SNTB2: variants seen among roughly 807,000 people sequenced by gnomAD.
SNTB2 encodes syntrophin beta 2.
A neutral mutation model predicts 46.2 loss-of-function variants in SNTB2; 34 were observed. That is an observed-to-expected ratio of 0.74 (90% CI 0.56 to 0.98). The LOEUF is 0.98. Among genes scored for constraint, SNTB2 ranks in the 50% least tolerant of loss-of-function variants. The pLI is 0.00. For missense variants in SNTB2, 603 were observed against 731.4 expected (o/e 0.82, Z 2.02); for synonymous variants, 290 against 312.6 (o/e 0.93, Z 0.76).
At chr16:69,221,458 A>C (rs1430092318) in intron 1 of SNTB2, among the ~76,000 whole-genome samples, 1 of 152,184 alleles carries the variant, frequency 6.6e-6, no homozygotes, top group South Asian at 2.1e-4. Context: ...TCTACCAAAA[A>C]TCTTGAAACT....
chr16:69,214,510 A>C (rs1475922422), intron 1 of SNTB2, among the ~76,000 whole-genome samples: 1 of 151,210 alleles, frequency 6.6e-6, no homozygotes, highest in Non-Finnish European at 1.5e-5. Flanking sequence ...TAATAAACAT[A>C]TATTTTATAT....
At chr16:69,296,577 C>T (rs936791889) in intron 5 of SNTB2, among the ~76,000 whole-genome samples, 2 of 150,738 alleles carry the variant, frequency 1.3e-5, no homozygotes, top group Non-Finnish European at 3.0e-5. Flanking sequence ...AAAAAATCAG[C>T]CAGGCCTGGT....
chr16:69,284,475 A>T (rs1965081634), intron 5 of SNTB2, among the ~76,000 whole-genome samples: 1 of 148,460 alleles, frequency 6.7e-6, no homozygotes, highest in South Asian at 2.1e-4. Flanking sequence ...AAAAAAAAAA[A>T]AAAAAAAAAA....
intron 4 of SNTB2, among the ~76,000 whole-genome samples, chr16:69,274,956 CTGAT>C (rs1297785599): frequency 2.0e-5 from 3 of 152,084 alleles, no homozygotes; most frequent in East Asian, 1.9e-4. Flanking sequence ...GCTTCCTAGA[CTGAT>C]TGTCTGCCTT....
chr16:69,201,074 C>T (rs1249300617), intron 1 of SNTB2, among the ~76,000 whole-genome samples: 1 of 152,188 alleles, frequency 6.6e-6, no homozygotes, highest in Non-Finnish European at 1.5e-5. Flanking sequence ...ACTTTCAGGG[C>T]CTCCAGGGGC....
chr16:69,269,585 T>A (rs893923158), intron 3 of SNTB2, among the ~76,000 whole-genome samples: 1 of 152,222 alleles, frequency 6.6e-6, no homozygotes, highest in African/African-American at 2.4e-5. Context: ...TTGGAAAATA[T>A]TTTATTCAAC....
At chr16:69,268,423 C>T (rs1350112192) in intron 3 of SNTB2, among the ~76,000 whole-genome samples, 3 of 151,674 alleles carry the variant, frequency 2.0e-5, no homozygotes, top group Non-Finnish European at 4.4e-5. Context: ...AAGATCGTGA[C>T]ATTGCACTCC....
intron 2 of SNTB2, 105 bp downstream of exon 2, chr16:69,245,920 C>G: frequency 8.5e-7 from 1 of 1,170,624 alleles, no homozygotes; most frequent in Non-Finnish European, 1.2e-6. Flanking sequence ...AGGAAAACAT[C>G]TGTCTGAGGT....
At chr16:69,203,750 CTTGT>C (rs1024128363) in intron 1 of SNTB2, among the ~76,000 whole-genome samples, 19 of 152,126 alleles carry the variant, frequency 1.2e-4, no homozygotes, top group African/African-American at 3.4e-4. Context: ...GAATCCATTG[CTTGT>C]TTATTAATAA....
intron 4 of SNTB2, among the ~76,000 whole-genome samples, chr16:69,280,440 G>C (rs1597198313): frequency 6.6e-6 from 1 of 151,890 alleles, no homozygotes; most frequent in Non-Finnish European, 1.5e-5. Context: ...AGGGGCGGCC[G>C]GGCAGAGGCG....
At chr16:69,208,699 G>T (rs1964248876) in intron 1 of SNTB2, among the ~76,000 whole-genome samples, 1 of 151,236 alleles carries the variant, frequency 6.6e-6, no homozygotes, top group Admixed American at 6.6e-5. Context: ...TATTTTACTA[G>T]GTAAAAAACA....
intron 1 of SNTB2, among the ~76,000 whole-genome samples, chr16:69,235,226 G>A (rs576178994): frequency 1.9e-4 from 28 of 151,108 alleles, no homozygotes; most frequent in African/African-American, 6.8e-4. Flanking sequence ...ATGAGCCACC[G>A]TTCCCGGACT....
chr16:69,296,777 T>G (rs1456284536), intron 5 of SNTB2, among the ~76,000 whole-genome samples: 1 of 145,812 alleles, frequency 6.9e-6, no homozygotes, highest in Non-Finnish European at 1.5e-5. Context: ...GAGCCCAAGG[T>G]GGGCAGATCA....
intron 5 of SNTB2, among the ~76,000 whole-genome samples, chr16:69,288,927 A>G (rs1965132653): frequency 6.6e-6 from 1 of 152,196 alleles, no homozygotes; most frequent in African/African-American, 2.4e-5. Context: ...GTTAAGTGCA[A>G]TAAGGCAGGC....
At chr16:69,258,132 A>T (rs145415883) in intron 2 of SNTB2, among the ~76,000 whole-genome samples, 17 of 152,388 alleles carry the variant, frequency 1.1e-4, no homozygotes, top group Non-Finnish European at 1.9e-4. Context: ...ATCTGATGAT[A>T]GTGCTTTTAG....
At chr16:69,190,865 C>T (rs1477613381) in intron 1 of SNTB2, among the ~76,000 whole-genome samples, 1 of 152,080 alleles carries the variant, frequency 6.6e-6, no homozygotes, top group African/African-American at 2.4e-5. Flanking sequence ...GATAATAACA[C>T]CTCCCTCAAA....
At chr16:69,299,802 A>T in intron 6 of SNTB2, 28 bp downstream of exon 6, 1 of 1,598,264 alleles carries the variant, frequency 6.3e-7, no homozygotes, top group Non-Finnish European at 8.6e-7. Context: ...ACACATGTTT[A>T]TCTAATAGAT....
chr16:69,271,165 C>CAT (rs1437023152), intron 4 of SNTB2, among the ~76,000 whole-genome samples: 1 of 152,062 alleles, frequency 6.6e-6, no homozygotes, highest in Non-Finnish European at 1.5e-5. Context: ...TCTTCCTTTA[C>CAT]ATATATTATT....
rs1416692418 is a variant in SNTB2, at chr16:69,245,779, C to T, written c.758C>T (p.Ala253Val). The T allele has an allele frequency of 1.2e-6, 2 of 1,613,932 alleles. No homozygotes were observed. Among genetic ancestry groups the T allele is most frequent in the East Asian group, 2.2e-5 (1 of 44,880 alleles). ...RKIIPLKMCF[A>V]ARNLSMPDLE... Reference sequence around the variant, plus strand: ...ATCATCCCTCTCAAAATGTGCTTTGCTGCTAGAAACCTAAGCATGCCGGAT... The same window carrying T: ...ATCATCCCTCTCAAAATGTGCTTTGTTGCTAGAAACCTAAGCATGCCGGAT... Residue 253 changes from alanine (A) to valine (V), a missense_variant, in exon 2 of 7, where the codon GCT becomes GTT. Ala to Val is a moderately conservative substitution (Grantham distance 64). Transcript: ENST00000336278.
Sources: gnomAD v4.1 joint callset for allele counts (sites outside exome capture counted in the v4.1 genomes callset) on GRCh38, gnomAD v4.1.1 for gene constraint, MANE v1.5 for transcripts, NCBI Gene and HGNC (gene_info 2026-07-23, HGNC 2026-07-21) for gene names.